GNG2: variants seen among roughly 807,000 people sequenced by gnomAD.
GNG2 encodes G protein subunit gamma 2.
In GNG2, 5 loss-of-function variants were observed where a neutral mutation model predicts 5.5. The observed-to-expected ratio is 0.91, with a 90% CI of 0.48 to 1.92. GNG2 has a LOEUF of 1.92. Ranked by LOEUF, GNG2 falls within the 30% of genes most tolerant of loss-of-function variation. The probability of loss-of-function intolerance (pLI) is 0.01; values close to 1 mark genes in which losing one functional copy is unlikely to be tolerated. For synonymous variants in GNG2, 28 were observed against 32.0 expected (o/e 0.88, Z 0.42); for missense variants, 55 against 88.4 (o/e 0.62, Z 1.52).
chr14:51,931,904 A>G (rs955783253), intron 2 of GNG2, among the ~76,000 whole-genome samples: 6 of 152,162 alleles, frequency 3.9e-5, no homozygotes, highest in African/African-American at 1.4e-4. Flanking sequence ...ACCACTGTTC[A>G]CTATAGCCAG....
intron 2 of GNG2, among the ~76,000 whole-genome samples, chr14:51,923,715 G>A (rs1311869965): frequency 6.6e-6 from 1 of 152,098 alleles, no homozygotes; most frequent in Non-Finnish European, 1.5e-5. Flanking sequence ...TATGGTAAAA[G>A]TTTCACTTTA....
At position 51,916,508 on chromosome 14, in the gene GNG2, C is replaced by T. The variant is rs1190770141; in HGVS notation, c.-29-34142C>T. 30 of 394,564 alleles carry T rather than the reference C, an allele frequency of 7.6e-5. No homozygotes were observed. In the Admixed American group the frequency reaches 8.1e-4, roughly 11 times the overall value. 24.4% of individuals were successfully genotyped at this position (394,564 alleles called of 1,614,324 possible). Reference sequence around the variant, plus strand: ...CTAAAAATTTTCCACGAAAATAATCCTGAAAAAAAAAAAGAAATGGAAATT... The same window carrying T: ...CTAAAAATTTTCCACGAAAATAATCTTGAAAAAAAAAAAGAAATGGAAATT... On this transcript the variant is annotated intron_variant, in intron 2 of 3. Transcript: ENST00000556766.
At chr14:51,878,848 A>C (rs1489963782) in intron 2 of GNG2, among the ~76,000 whole-genome samples, 1 of 152,184 alleles carries the variant, frequency 6.6e-6, no homozygotes, top group African/African-American at 2.4e-5. Context: ...TATTCTATCA[A>C]ATGTTACTAA....
At chr14:51,849,089 C>T (rs1881785234) in intron 2 of GNG2, among the ~76,000 whole-genome samples, 1 of 152,158 alleles carries the variant, frequency 6.6e-6, no homozygotes, top group African/African-American at 2.4e-5. Flanking sequence ...GGCCCTCAGT[C>T]TAACTTGAGG....
At chr14:51,923,261 AGGATT>A (rs2140229438) in intron 2 of GNG2, among the ~76,000 whole-genome samples, 1 of 152,264 alleles carries the variant, frequency 6.6e-6, no homozygotes, top group South Asian at 2.1e-4. Context: ...CATTTCAAAG[AGGATT>A]CCCTTTTGGT....
chr14:51,923,656 T>A (rs895885982), intron 2 of GNG2, among the ~76,000 whole-genome samples: 1 of 152,192 alleles, frequency 6.6e-6, no homozygotes, highest in Non-Finnish European at 1.5e-5. Flanking sequence ...TTTCATGCTA[T>A]CTTAGCACTT....
At chr14:51,827,320 T>A (rs184351671) in intron 1 of GNG2, among the ~76,000 whole-genome samples, 247 of 152,304 alleles carry the variant, frequency 1.6e-3, no homozygotes, top group African/African-American at 5.8e-3. Flanking sequence ...ACTGGCAGTA[T>A]CAATATCACC....
chr14:51,833,218 A>G (rs1223103989), intron 2 of GNG2, among the ~76,000 whole-genome samples: 1 of 152,248 alleles, frequency 6.6e-6, no homozygotes, highest in Non-Finnish European at 1.5e-5. Context: ...AGTACCAGTG[A>G]GAATTTCATG....
intron 2 of GNG2, among the ~76,000 whole-genome samples, chr14:51,943,614 TCTTCTCCAGTAAGAATCAGTGAA>T (rs1888471406): frequency 1.3e-5 from 2 of 152,224 alleles, no homozygotes; most frequent in African/African-American, 4.8e-5. Flanking sequence ...ACAAAAGCAT[TCTTCTCCAGTAAGAATCAGTGAA>T]TGTAGTATGT....
At chr14:51,954,418 A>G (rs1040663244) in intron 3 of GNG2, among the ~76,000 whole-genome samples, 1 of 152,198 alleles carries the variant, frequency 6.6e-6, no homozygotes, top group Non-Finnish European at 1.5e-5. Flanking sequence ...AGACAAAATG[A>G]AAGAAACCTT....
rs573280336 is a variant in GNG2 at position 51,969,727 on chromosome 14, A to G, written c.*3040A>G. The G allele has an allele frequency of 7.9e-5, 12 of 152,332 alleles. No homozygotes were observed. Among genetic ancestry groups the G allele is most frequent in the African/African-American group, 2.9e-4 (12 of 41,568 alleles). The allele number at this position is 152,332 out of a possible 1,614,324, so 9.4% of individuals were successfully genotyped here. A position where few individuals can be genotyped will look rare whatever the true frequency, so the allele number is the denominator to read the frequency against. ...GAAATGTTAAAGCAGGAAAACCTGA[A>G]TGTGATGTGCACATTTTCATCCCAC... On this transcript the variant is annotated 3_prime_UTR_variant, in exon 4 of 4. Transcript: ENST00000556766.
chr14:51,965,351 T>C lies in GNG2; in HGVS notation c.88-1208T>C, dbSNP rs149049810. ...GCTTTCATGTGGAAATGTGTTATTT[T>C]ATGTAAAAATTTGACCCCAAATGGC... On this transcript the variant is annotated intron_variant, in intron 3 of 3. Transcript: ENST00000556766. Among the ~76,000 whole-genome samples the C allele has an allele frequency of 5.8e-3, 883 of 152,342 alleles. 4 individuals carry two copies. The highest frequency in any genetic ancestry group is 0.02 in the South Asian group (96 of 4,824).
At position 51,885,590 on chromosome 14, in the gene GNG2, A is replaced by AACAC. The variant is rs148960161; in HGVS notation, c.-30+7950_-30+7953dup. Among the ~76,000 whole-genome samples the AACAC allele has an allele frequency of 3.3e-3, 495 of 150,218 alleles. 1 individual carries two copies. The highest frequency in any genetic ancestry group is 4.6e-3 in the African/African-American group (189 of 40,918). ...TTTTCTATCCCCTGCCGTATTCTAT[A>AACAC]ACACACACACACACACACACCCCCG... On this transcript the variant is annotated intron_variant, in intron 2 of 3. Coordinates refer to ENST00000556766, the MANE Select transcript of GNG2 (RefSeq NM_053064.5).
chr14:51,959,908 AT>A (rs1324790200), intron 3 of GNG2, among the ~76,000 whole-genome samples: 1 of 151,940 alleles, frequency 6.6e-6, no homozygotes. Context: ...TATTCTCACC[AT>A]TCTCCCACTC....
chr14:51,866,674 A>G (rs1195521613), intron 1 of GNG2, among the ~76,000 whole-genome samples: 1 of 152,154 alleles, frequency 6.6e-6, no homozygotes, highest in Non-Finnish European at 1.5e-5. Flanking sequence ...GTGTGTCCCC[A>G]CATGACAGAA....
chr14:51,870,181 A>G (rs887774107), intron 1 of GNG2, among the ~76,000 whole-genome samples: 6 of 152,138 alleles, frequency 3.9e-5, no homozygotes, highest in Non-Finnish European at 7.3e-5. Context: ...AAAAACACGA[A>G]CAAAAGCCTT....
In GNG2 at chr14:51,828,544, A is replaced by C. The variant is rs28465531; in HGVS notation, c.64+737A>C. 4.6e-5 allele frequency among the ~76,000 whole-genome samples: 7 copies of C among 152,164 alleles called. No individual in the cohort carries two copies. In the East Asian group the frequency reaches 1.4e-3, roughly 29 times the overall value. On this transcript the variant is annotated intron_variant, in intron 2 of 3. Coordinates refer to the GNG2 transcript ENST00000553432. The stretch of plus-strand genomic sequence containing the variant: ...GATAATCACAAAAGCAGAAGAAAAC[A>C]TGTTGTTTTCACTGGGCTGTGGTTG...
intron 2 of GNG2, among the ~76,000 whole-genome samples, chr14:51,943,568 T>C (rs1284595009): frequency 6.6e-6 from 1 of 152,206 alleles, no homozygotes; most frequent in Non-Finnish European, 1.5e-5. Flanking sequence ...CTTCTTTTTG[T>C]ATGCAGTTAC....
At chr14:51,942,601 T>TC (rs1277558601) in intron 2 of GNG2, among the ~76,000 whole-genome samples, 730 of 15,126 alleles carry the variant, frequency 0.048, 5 homozygotes, top group Middle Eastern at 0.17. Flanking sequence ...TTTTTTTTTT[T>TC]TTTTTAGAGA....
Sources: gnomAD v4.1 joint callset for allele counts (sites outside exome capture counted in the v4.1 genomes callset) on GRCh38, gnomAD v4.1.1 for gene constraint, MANE v1.5 for transcripts, NCBI Gene and HGNC (gene_info 2026-07-23, HGNC 2026-07-21) for gene names.